The following SDK2 variants were observed in gnomAD, a reference collection of about 807,000 sequenced individuals.
SDK2 encodes the protein protein sidekick-2.
Under a neutral mutation model 253.9 loss-of-function variants are expected in SDK2, and 105 were observed. That is an observed-to-expected ratio of 0.41 (90% CI 0.35 to 0.49). The LOEUF (loss-of-function observed/expected upper bound fraction) is 0.49. SDK2 is among the 20% of genes least tolerant of loss of function. The probability of loss-of-function intolerance (pLI) is 0.06; values close to 1 mark genes in which losing one functional copy is unlikely to be tolerated. For missense variants in SDK2, 2,608 were observed against 3,003.0 expected (o/e 0.87, Z 3.07); for synonymous variants, 1,249 against 1,234.9 (o/e 1.01, Z -0.24).
chr17:73,346,140 A>G (rs887900080), intron 44 of SDK2, among the ~76,000 whole-genome samples: 8 of 150,734 alleles, frequency 5.3e-5, no homozygotes, highest in Non-Finnish European at 1.0e-4. Context: ...CGGGAGGTGG[A>G]GGTTGCAGTG....
At chr17:73,403,333 T>C (rs901037970) in intron 18 of SDK2, among the ~76,000 whole-genome samples, 1 of 152,166 alleles carries the variant, frequency 6.6e-6, no homozygotes, top group Admixed American at 6.5e-5. Flanking sequence ...ATCTTAAATA[T>C]CAAGTAGAGG....
At chr17:73,530,288 T>A (rs1376031721) in intron 1 of SDK2, among the ~76,000 whole-genome samples, 2 of 152,152 alleles carry the variant, frequency 1.3e-5, no homozygotes, top group Non-Finnish European at 2.9e-5. Context: ...CTTACAATCA[T>A]GGCAGAAGGC....
At chr17:73,454,529 C>T (rs575079860) in intron 4 of SDK2, among the ~76,000 whole-genome samples, 2 of 152,242 alleles carry the variant, frequency 1.3e-5, no homozygotes, top group South Asian at 4.2e-4. Flanking sequence ...TTCAACAACG[C>T]CTCCTTTCTG....
chr17:73,613,403 G>A (rs903379553), intron 1 of SDK2, among the ~76,000 whole-genome samples: 4 of 150,036 alleles, frequency 2.7e-5, no homozygotes, highest in African/African-American at 7.4e-5. Context: ...CCTGGAGAGA[G>A]ATGGTTCCAG....
At chr17:73,596,770 A>G (rs1195577968) in intron 1 of SDK2, among the ~76,000 whole-genome samples, 1 of 152,048 alleles carries the variant, frequency 6.6e-6, no homozygotes, top group Non-Finnish European at 1.5e-5. Context: ...TCCAGCTCTC[A>G]TCCTCCCTCC....
At chr17:73,394,425 T>C (rs1478533881) in intron 25 of SDK2, 101 bp from the exon 26 acceptor site, 4 of 614,654 alleles carry the variant, frequency 6.5e-6, no homozygotes, top group Non-Finnish European at 1.0e-5. Context: ...GCCAGCTCGA[T>C]GTTGCCTCTC....
At chr17:73,564,784 C>T (rs1191201227) in intron 1 of SDK2, among the ~76,000 whole-genome samples, 1 of 151,662 alleles carries the variant, frequency 6.6e-6, no homozygotes, top group East Asian at 1.9e-4. Flanking sequence ...GAGATCGCGC[C>T]ACTGCACTCC....
chr17:73,575,817 G>C (rs910469914), intron 1 of SDK2, among the ~76,000 whole-genome samples: 1 of 152,244 alleles, frequency 6.6e-6, no homozygotes, highest in Non-Finnish European at 1.5e-5. Context: ...AGGGCTAGGA[G>C]AGGAAGACGA....
At chr17:73,614,981 A>T (rs939175700) in intron 1 of SDK2, among the ~76,000 whole-genome samples, 21 of 5,792 alleles carry the variant, frequency 3.6e-3, no homozygotes, top group African/African-American at 0.03. Flanking sequence ...ATAGAAGATA[A>T]AAAAAAAAAA....
chr17:73,641,620 C>T (rs555894967), intron 1 of SDK2, among the ~76,000 whole-genome samples: 2 of 151,774 alleles, frequency 1.3e-5, no homozygotes, highest in East Asian at 3.9e-4. Flanking sequence ...AGGCTAGGCT[C>T]AGATAAAATC....
chr17:73,517,978 G>A (rs114433351), intron 1 of SDK2: 6 of 152,246 alleles, frequency 3.9e-5, no homozygotes, highest in Non-Finnish European at 5.9e-5. Flanking sequence ...TCCTGAGATC[G>A]CCTCCCTCCC....
intron 18 of SDK2, among the ~76,000 whole-genome samples, chr17:73,403,022 C>T (rs2063041719): frequency 1.3e-5 from 2 of 152,224 alleles, no homozygotes; most frequent in South Asian, 2.1e-4. Context: ...TGGTCTCGAA[C>T]TCCTGATCTC....
At chr17:73,490,550 T>C (rs1599615893) in intron 2 of SDK2, among the ~76,000 whole-genome samples, 1 of 113,804 alleles carries the variant, frequency 8.8e-6, no homozygotes, top group Non-Finnish European at 1.9e-5. Context: ...TTGAGATGGG[T>C]TTTTTTTTTT....
chr17:73,362,479 C>G (rs1343974876), intron 38 of SDK2, among the ~76,000 whole-genome samples: 1 of 151,746 alleles, frequency 6.6e-6, no homozygotes, highest in African/African-American at 2.4e-5. Flanking sequence ...TAGCCTCGAC[C>G]TCCTGGGTTC....
Position 73,361,875 on chromosome 17 carries a change from G to A in SDK2, c.5306-30C>T, listed in dbSNP as rs1357981435. 2 of 1,547,714 alleles carry A rather than the reference G, an allele frequency of 1.3e-6. No individual in the cohort carries two copies. The highest frequency in any genetic ancestry group is 8.8e-7 in the Non-Finnish European group (1 of 1,139,096). On this transcript the variant is annotated intron_variant, in intron 38 of 44. Coordinates refer to ENST00000392650, the MANE Select transcript of SDK2 (RefSeq NM_001144952.2). The surrounding 1 kb of genome is among the most constrained non-coding windows in gnomAD (Gnocchi z 4.1). ...GGGAGGCACAGCAAGTGGGGACTGG[G>A]CACAGGGCCCACCGAGGGCACTGGA...
chr17:73,433,585 G>C, intron 10 of SDK2, 147 bp downstream of exon 10: 1 of 602,122 alleles, frequency 1.7e-6, no homozygotes, highest in Non-Finnish European at 2.9e-6. Context: ...CACCGCGCCC[G>C]GCCGAGAGAT....
At chr17:73,390,836 C>A (rs2062922057) in intron 28 of SDK2, among the ~76,000 whole-genome samples, 1 of 152,204 alleles carries the variant, frequency 6.6e-6, no homozygotes, top group South Asian at 2.1e-4. Flanking sequence ...ACTTGTCCTT[C>A]CTGCCCCCAC....
In SDK2 at chr17:73,379,434, C is replaced by A. The variant is rs200215829; in HGVS notation, c.4864+14G>T. ...AAAGGCATGCTGGGGCCGGACAGGG[C>A]GGGCGCTGCTCACCTGCCTCCCCAA... On this transcript the variant is annotated intron_variant, in intron 35 of 44. Transcript: ENST00000392650. The surrounding 1 kb of genome is among the most constrained non-coding windows in gnomAD (Gnocchi z 4.5). 2 of 1,585,688 alleles carry A rather than the reference C, an allele frequency of 1.3e-6. No homozygotes were observed. The highest frequency in any genetic ancestry group is 1.7e-6 in the Non-Finnish European group (2 of 1,161,490).
intron 1 of SDK2, among the ~76,000 whole-genome samples, chr17:73,611,106 C>A (rs367954718): frequency 2.0e-5 from 3 of 152,224 alleles, no homozygotes; most frequent in African/African-American, 7.2e-5. Flanking sequence ...TTGCAAGAGA[C>A]CAGGGGCTCC....
Sources: allele counts gnomAD v4.1 joint callset (sites outside exome capture counted in the v4.1 genomes callset), GRCh38; gene constraint gnomAD v4.1.1; non-coding constraint Gnocchi (gnomAD v3.1); transcripts MANE v1.5; gene names NCBI Gene and HGNC (gene_info 2026-07-23, HGNC 2026-07-21).